Variants in SETBP1 observed in about 807,000 individuals in gnomAD.
SETBP1 encodes SET-binding protein.
In SETBP1, 9 loss-of-function variants were observed where a neutral mutation model predicts 101.0. The ratio of observed to expected loss-of-function variants is 0.09; its 90% CI spans 0.05 to 0.16. The LOEUF is 0.16. Among genes scored for constraint, SETBP1 ranks in the 10% least tolerant of loss-of-function variants. SETBP1 has a pLI of 1.00. For missense variants in SETBP1, 1,858 were observed against 2,033.8 expected (o/e 0.91, Z 1.66); for synonymous variants, 818 against 788.5 (o/e 1.04, Z -0.63).
intron 2 of SETBP1, among the ~76,000 whole-genome samples, chr18:44,718,275 A>G (rs1224442282): frequency 1.3e-5 from 2 of 152,206 alleles, no homozygotes; most frequent in African/African-American, 4.8e-5. Context: ...CCTGGAGTCA[A>G]GAATGGCCCT....
chr18:44,790,708 A>G (rs1425625070), intron 2 of SETBP1, among the ~76,000 whole-genome samples: 1 of 152,162 alleles, frequency 6.6e-6, no homozygotes, highest in Non-Finnish European at 1.5e-5. Flanking sequence ...ACCCCCAGAG[A>G]TTCTGTTTAT....
At chr18:45,006,288 C>T (rs2072725313) in intron 4 of SETBP1, among the ~76,000 whole-genome samples, 1 of 152,160 alleles carries the variant, frequency 6.6e-6, no homozygotes, top group Non-Finnish European at 1.5e-5. Context: ...CCCCCATTTA[C>T]TCAGCACCCC....
rs137914005 is a variant in SETBP1 at position 44,749,642 on chromosome 18, G to A, written c.486+47810G>A. On this transcript the variant is annotated intron_variant, in intron 2 of 5. Coordinates refer to ENST00000649279, the MANE Select transcript of SETBP1 (RefSeq NM_015559.3). ...TGGGTCCTTTTTTAAAAGAGCTTGCGGTTTGTTGCATACAGACATACATAT... is the reference window on the plus strand; with the variant it reads ...TGGGTCCTTTTTTAAAAGAGCTTGCAGTTTGTTGCATACAGACATACATAT... 9.9e-5 allele frequency among the ~76,000 whole-genome samples: 15 copies of A among 152,148 alleles called. No individual in the cohort carries two copies. The East Asian group carries it at 1.4e-3, about 14-fold the overall frequency.
At chr18:45,026,443 G>A (rs1197178406) in intron 4 of SETBP1, among the ~76,000 whole-genome samples, 1 of 152,192 alleles carries the variant, frequency 6.6e-6, no homozygotes, top group Non-Finnish European at 1.5e-5. Context: ...AGATACCCAG[G>A]AAGGACTGGA....
At chr18:44,806,872 A>G (rs554815026) in intron 2 of SETBP1, among the ~76,000 whole-genome samples, 1 of 151,976 alleles carries the variant, frequency 6.6e-6, no homozygotes, top group Non-Finnish European at 1.5e-5. Flanking sequence ...CCTTATGTTT[A>G]GGACTCAGTT....
At chr18:44,909,343 A>G (rs1252094910) in intron 3 of SETBP1, among the ~76,000 whole-genome samples, 2 of 152,192 alleles carry the variant, frequency 1.3e-5, no homozygotes, top group African/African-American at 4.8e-5. Flanking sequence ...ATTTGAATGG[A>G]CCAGAATCCA....
intron 2 of SETBP1, among the ~76,000 whole-genome samples, chr18:44,815,988 GT>G (rs1172521579): frequency 6.6e-6 from 1 of 152,146 alleles, no homozygotes; most frequent in African/African-American, 2.4e-5. Flanking sequence ...ACACCACACT[GT>G]TTCTTTTGCT....
chr18:44,905,836 G>A (rs1386640736), intron 3 of SETBP1, among the ~76,000 whole-genome samples: 1 of 152,172 alleles, frequency 6.6e-6, no homozygotes, highest in African/African-American at 2.4e-5. Flanking sequence ...CAGAGGAGTT[G>A]TTTCCTCATA....
chr18:44,971,151 T>C (rs992379946), intron 4 of SETBP1, among the ~76,000 whole-genome samples: 4 of 152,120 alleles, frequency 2.6e-5, no homozygotes, highest in Non-Finnish European at 4.4e-5. Context: ...TTGTGATAGT[T>C]TGCTCAGAAT....
At chr18:44,701,935 A>G (rs2069123433) in intron 2 of SETBP1, 103 bp downstream of exon 2, 1 of 1,367,018 alleles carries the variant, frequency 7.3e-7, no homozygotes, top group South Asian at 1.3e-5. Flanking sequence ...TGACTCTAGA[A>G]CAACGTGGGG....
chr18:45,022,523 C>G (rs2073091440), intron 4 of SETBP1, among the ~76,000 whole-genome samples: 1 of 152,178 alleles, frequency 6.6e-6, no homozygotes, highest in East Asian at 1.9e-4. Context: ...ATCCTTCTCA[C>G]AGAGTAATAA....
chr18:44,907,263 C>T (rs982135330), intron 3 of SETBP1, among the ~76,000 whole-genome samples: 4 of 152,136 alleles, frequency 2.6e-5, no homozygotes, highest in African/African-American at 7.2e-5. Flanking sequence ...AGCTGATAGA[C>T]ATTCTGGTTG....
intron 2 of SETBP1, among the ~76,000 whole-genome samples, chr18:44,834,177 G>T (rs2072439901): frequency 6.6e-6 from 1 of 151,828 alleles, no homozygotes; most frequent in South Asian, 2.1e-4. Context: ...CTCCAAGGAT[G>T]GTTCAGCTAT....
chr18:44,892,838 C>T (rs895324106), intron 3 of SETBP1, among the ~76,000 whole-genome samples: 1 of 152,090 alleles, frequency 6.6e-6, no homozygotes, highest in African/African-American at 2.4e-5. Flanking sequence ...TTTTCTCAAC[C>T]AAGCCTTTAT....
intron 3 of SETBP1, among the ~76,000 whole-genome samples, chr18:44,924,639 G>T (rs1296732088): frequency 1.3e-5 from 2 of 151,962 alleles, no homozygotes; most frequent in East Asian, 1.9e-4. Flanking sequence ...TTGCATTCTA[G>T]GAGTCAAATT....
intron 2 of SETBP1, among the ~76,000 whole-genome samples, chr18:44,798,049 C>A (rs2071520585): frequency 6.6e-6 from 1 of 152,098 alleles, no homozygotes. Flanking sequence ...CATTTGTGGA[C>A]CCAAACGCTA....
chr18:44,986,896 T>TA (rs1277866464), intron 4 of SETBP1: 2 of 143,710 alleles, frequency 1.4e-5, no homozygotes, highest in African/African-American at 2.6e-5. Flanking sequence ...ATAACAATAG[T>TA]TAGTATAGTA....
At chr18:44,694,975 G>A (rs1328909472) in intron 1 of SETBP1, among the ~76,000 whole-genome samples, 2 of 152,162 alleles carry the variant, frequency 1.3e-5, no homozygotes, top group African/African-American at 2.4e-5. Context: ...CAGCTGAAAA[G>A]TGGATGCATA....
chr18:44,697,759 G>A (rs954760386), intron 1 of SETBP1, among the ~76,000 whole-genome samples: 5 of 152,194 alleles, frequency 3.3e-5, no homozygotes, highest in Non-Finnish European at 5.9e-5. Flanking sequence ...ATGTCAGTCC[G>A]GCCAAGGAGT....
Sources: gnomAD v4.1 joint callset for allele counts (sites outside exome capture counted in the v4.1 genomes callset) on GRCh38, gnomAD v4.1.1 for gene constraint, MANE v1.5 for transcripts, NCBI Gene and HGNC (gene_info 2026-07-23, HGNC 2026-07-21) for gene names.